The following PCDHA12 variants were observed in gnomAD, a reference collection of about 807,000 sequenced individuals.
The protein encoded by PCDHA12 is protocadherin alpha-12.
In PCDHA12, 44 loss-of-function variants were observed where a neutral mutation model predicts 60.0. That is an observed-to-expected ratio of 0.73 (90% CI 0.58 to 0.94). The LOEUF (loss-of-function observed/expected upper bound fraction) is 0.94, where lower values mean the gene tolerates loss of function less well. Among genes scored for constraint, PCDHA12 ranks in the 40% least tolerant of loss-of-function variants. The pLI is 0.00. For synonymous variants in PCDHA12, 569 were observed against 553.0 expected (o/e 1.03, Z -0.40); for missense variants, 1,276 against 1,239.7 (o/e 1.03, Z -0.44).
chr5:140,997,614 A>T (rs1355709943), intron 3 of PCDHA12, among the ~76,000 whole-genome samples: 2 of 152,148 alleles, frequency 1.3e-5, no homozygotes, highest in African/African-American at 4.8e-5. Context: ...GCATGACTAT[A>T]TAGAGATTTT....
chr5:140,964,880 C>T (rs2095860447), intron 1 of PCDHA12, among the ~76,000 whole-genome samples: 1 of 152,168 alleles, frequency 6.6e-6, no homozygotes, highest in Admixed American at 6.5e-5. Context: ...TAAGAAGCAG[C>T]AGTGATAGGA....
intron 1 of PCDHA12, among the ~76,000 whole-genome samples, chr5:140,964,060 G>A (rs1187796756): frequency 6.6e-6 from 1 of 152,200 alleles, no homozygotes; most frequent in Non-Finnish European, 1.5e-5. Context: ...GTGTGGTCAA[G>A]GCATTAGTGT....
chr5:140,928,569 G>A (rs2085338493), intron 1 of PCDHA12: 2 of 1,614,202 alleles, frequency 1.2e-6, no homozygotes, highest in Non-Finnish European at 1.7e-6. Flanking sequence ...TGTTTCCCTT[G>A]CCCAGAAATG....
At chr5:140,972,750 G>A (rs2096554223) in intron 1 of PCDHA12, among the ~76,000 whole-genome samples, 2 of 143,042 alleles carry the variant, frequency 1.4e-5, no homozygotes, top group South Asian at 2.2e-4. Context: ...TGCAACCTCC[G>A]CCTCCCAAGT....
chr5:140,906,193 AAGTTGACACTC>A (rs1337204998), intron 1 of PCDHA12, among the ~76,000 whole-genome samples: 4 of 152,140 alleles, frequency 2.6e-5, no homozygotes, highest in African/African-American at 9.7e-5. Context: ...CAATCCAATC[AAGTTGACACTC>A]AGTATTAACC....
At chr5:140,892,702 A>C (rs1391662001) in intron 1 of PCDHA12, among the ~76,000 whole-genome samples, 1 of 152,240 alleles carries the variant, frequency 6.6e-6, no homozygotes, top group Non-Finnish European at 1.5e-5. Flanking sequence ...AAATCAGGGT[A>C]ATTAGCATAT....
At chr5:140,953,950 A>G (rs1458991224) in intron 1 of PCDHA12, among the ~76,000 whole-genome samples, 1 of 151,936 alleles carries the variant, frequency 6.6e-6, no homozygotes, top group Non-Finnish European at 1.5e-5. Flanking sequence ...TTGCTCCCCC[A>G]ACAGGCCCCA....
intron 3 of PCDHA12, among the ~76,000 whole-genome samples, chr5:140,990,073 GA>G (rs1319076601): frequency 2.6e-5 from 4 of 152,060 alleles, no homozygotes; most frequent in Non-Finnish European, 5.9e-5. Context: ...AAATAAGGGG[GA>G]CAAAGGATGC....
At chr5:140,897,451 TC>T (rs2066120094) in intron 1 of PCDHA12, among the ~76,000 whole-genome samples, 1 of 151,584 alleles carries the variant, frequency 6.6e-6, no homozygotes, top group Non-Finnish European at 1.5e-5. Context: ...TGGTTTTTTG[TC>T]CTTGCGATAG....
intron 1 of PCDHA12, chr5:140,884,644 C>T (rs1554181804): frequency 6.2e-7 from 1 of 1,608,094 alleles, no homozygotes; most frequent in South Asian, 1.1e-5. Flanking sequence ...GGGAGGAGGA[C>T]TCAGAATGCT....
intron 1 of PCDHA12, chr5:140,967,162 C>T (rs782524334): frequency 1.9e-6 from 3 of 1,610,776 alleles, no homozygotes; most frequent in Non-Finnish European, 2.5e-6. Context: ...TGGCGGTGAG[C>T]GCCGTTGAGG....
intron 1 of PCDHA12, among the ~76,000 whole-genome samples, chr5:140,900,358 A>C (rs2067968295): frequency 6.6e-6 from 1 of 151,358 alleles, no homozygotes. Flanking sequence ...GCTCACCGCA[A>C]CCTCTGCCTC....
chr5:140,915,373 C>T (rs1234241584), intron 1 of PCDHA12, among the ~76,000 whole-genome samples: 12 of 152,126 alleles, frequency 7.9e-5, no homozygotes, highest in African/African-American at 2.2e-4. Flanking sequence ...GTAAGTGTCT[C>T]GGCATTGAAG....
chr5:140,967,119 T>C lies in PCDHA12; in HGVS notation c.2368-11830T>C, dbSNP rs374670692. 97 of 1,612,790 alleles carry C rather than the reference T, an allele frequency of 6.0e-5. No homozygotes were observed. The highest frequency in any genetic ancestry group is 8.1e-5 in the Non-Finnish European group (95 of 1,179,410). The stretch of plus-strand genomic sequence containing the variant: ...CTGTGTGAGCAGCGGCCTCGCTGCC[T>C]GCTCAGCTTGGAAGTGCTGGCGCAC... On this transcript the variant is annotated intron_variant, in intron 1 of 3. Transcript: ENST00000398631.
chr5:140,995,684 A>G (rs2097694657), intron 3 of PCDHA12, among the ~76,000 whole-genome samples: 1 of 152,144 alleles, frequency 6.6e-6, no homozygotes, highest in Non-Finnish European at 1.5e-5. Context: ...ATTTTTTTTA[A>G]TTGTTAAATA....
At chr5:140,883,986 C>T in intron 1 of PCDHA12, 1 of 1,612,808 alleles carries the variant, frequency 6.2e-7, no homozygotes, top group Non-Finnish European at 8.5e-7. Flanking sequence ...GCTGGCAGCG[C>T]GGGAGGCACA....
At chr5:140,881,350 T>G (rs1189745119) in intron 1 of PCDHA12, 10 of 985,236 alleles carry the variant, frequency 1.0e-5, no homozygotes, top group Non-Finnish European at 1.2e-5. Context: ...CGGGCTACAA[T>G]GCGTGGCTTT....
chr5:140,949,779 T>A (rs1414817850), intron 1 of PCDHA12, among the ~76,000 whole-genome samples: 1 of 151,898 alleles, frequency 6.6e-6, no homozygotes, highest in East Asian at 1.9e-4. Context: ...ATTTGATATG[T>A]TTAGATTTGT....
chr5:140,967,023 G>A, intron 1 of PCDHA12: 1 of 1,608,160 alleles, frequency 6.2e-7, no homozygotes, highest in South Asian at 1.1e-5. Context: ...GGTGCGCCCA[G>A]TCCGCGCTAC....
Sources: gnomAD v4.1 joint callset for allele counts (sites outside exome capture counted in the v4.1 genomes callset) on GRCh38, gnomAD v4.1.1 for gene constraint, MANE v1.5 for transcripts, NCBI Gene and HGNC (gene_info 2026-07-23, HGNC 2026-07-21) for gene names.